GNAQ: variants seen among roughly 807,000 people sequenced by gnomAD.
The protein encoded by GNAQ is guanine nucleotide-binding protein G(q) subunit alpha.
In GNAQ, 8 loss-of-function variants were observed where a neutral mutation model predicts 43.9. That is an observed-to-expected ratio of 0.18 (90% confidence interval 0.11 to 0.33). The LOEUF is 0.33. GNAQ is among the 10% of genes least tolerant of loss of function. The pLI is 1.00. For synonymous variants in GNAQ, 155 were observed against 170.7 expected (o/e 0.91, Z 0.71); for missense variants, 158 against 450.8 (o/e 0.35, Z 5.88).
chr9:77,955,995 C>T (rs1197546587), intron 1 of GNAQ, among the ~76,000 whole-genome samples: 1 of 152,122 alleles, frequency 6.6e-6, no homozygotes, highest in Non-Finnish European at 1.5e-5. Context: ...GAATAGGGCA[C>T]ATATATTATA....
intron 1 of GNAQ, among the ~76,000 whole-genome samples, chr9:77,976,157 C>A (rs1026106789): frequency 6.6e-6 from 1 of 152,166 alleles, no homozygotes; most frequent in African/African-American, 2.4e-5. Flanking sequence ...TGTCTTCCAC[C>A]TGCTTCTAAT....
intron 1 of GNAQ, among the ~76,000 whole-genome samples, chr9:77,973,302 G>A (rs941940487): frequency 1.3e-5 from 2 of 152,166 alleles, no homozygotes; most frequent in Non-Finnish European, 2.9e-5. Flanking sequence ...AGGCTCCCCA[G>A]TCCTTGTCCC....
chr9:77,762,908 G>C (rs1294905582), intron 5 of GNAQ, among the ~76,000 whole-genome samples: 13 of 151,226 alleles, frequency 8.6e-5, no homozygotes, highest in South Asian at 2.1e-4. Context: ...CAGCATGCTC[G>C]TTAAGAGTCA....
chr9:77,778,921 A>T (rs1433075283), intron 5 of GNAQ, among the ~76,000 whole-genome samples: 8 of 151,978 alleles, frequency 5.3e-5, no homozygotes, highest in Non-Finnish European at 4.4e-5. Context: ...AGCATCACAA[A>T]ACATGAGGCA....
intron 1 of GNAQ, among the ~76,000 whole-genome samples, chr9:77,936,621 T>G (rs1829236449): frequency 6.6e-6 from 1 of 152,130 alleles, no homozygotes; most frequent in African/African-American, 2.4e-5. Context: ...GCAAAATACT[T>G]TAACAAATCA....
chr9:78,023,370 C>T (rs1241148058), intron 1 of GNAQ, among the ~76,000 whole-genome samples: 4 of 152,136 alleles, frequency 2.6e-5, no homozygotes, highest in East Asian at 1.9e-4. Flanking sequence ...TTCTCTAAAT[C>T]GTATGCAAAT....
intron 1 of GNAQ, among the ~76,000 whole-genome samples, chr9:77,937,939 T>G (rs1829256725): frequency 6.6e-6 from 1 of 152,188 alleles, no homozygotes; most frequent in South Asian, 2.1e-4. Flanking sequence ...AAGAGCTTGC[T>G]GCTAAATGCA....
chr9:77,982,138 G>T (rs765917717), intron 1 of GNAQ, among the ~76,000 whole-genome samples: 10 of 152,070 alleles, frequency 6.6e-5, no homozygotes, highest in Non-Finnish European at 1.5e-4. Context: ...ACCATTACTG[G>T]TAAGCATTTC....
intron 2 of GNAQ, among the ~76,000 whole-genome samples, chr9:77,847,522 G>C (rs1044499781): frequency 6.6e-6 from 1 of 152,202 alleles, no homozygotes; most frequent in Admixed American, 6.6e-5. Flanking sequence ...AGGGTGGGTA[G>C]TATAATTTAC....
At chr9:77,892,384 T>C (rs1828420227) in intron 2 of GNAQ, among the ~76,000 whole-genome samples, 1 of 152,176 alleles carries the variant, frequency 6.6e-6, no homozygotes, top group East Asian at 1.9e-4. Flanking sequence ...CAACTGATTA[T>C]CAAACACAAA....
intron 2 of GNAQ, among the ~76,000 whole-genome samples, chr9:77,826,803 C>T (rs144239034): frequency 0.027 from 4,174 of 152,260 alleles, 66 homozygotes; most frequent in Middle Eastern, 0.048. Flanking sequence ...CACACATTAA[C>T]GGGTCAGTAA....
At chr9:77,779,680 C>CAAAAAAAAAA (rs58014303) in intron 5 of GNAQ, among the ~76,000 whole-genome samples, 196 of 95,848 alleles carry the variant, frequency 2.0e-3, no homozygotes, top group Middle Eastern at 7.0e-3. Context: ...AAAAACAAAA[C>CAAAAAAAAAA]AAAAAAAAAA....
Position 77,952,570 on chromosome 9 carries a change from G to C in GNAQ, c.137-30225C>G, listed in dbSNP as rs996863709. Among the ~76,000 whole-genome samples, 15 of 152,242 alleles carry C rather than the reference G, an allele frequency of 9.9e-5. No individual in the cohort carries two copies. The East Asian group carries it at 2.1e-3, about 22-fold the overall frequency. ...CAAATGATTGCCTTAGAACAGTTAAGAAATGAAGAAAAATTAAGAATTGCA... is the reference window on the plus strand; with the variant it reads ...CAAATGATTGCCTTAGAACAGTTAACAAATGAAGAAAAATTAAGAATTGCA... On this transcript the variant is annotated intron_variant, in intron 1 of 6. Transcript: ENST00000286548.
intron 5 of GNAQ, among the ~76,000 whole-genome samples, chr9:77,782,471 C>T (rs1043954471): frequency 1.3e-5 from 2 of 152,104 alleles, no homozygotes; most frequent in Non-Finnish European, 2.9e-5. Flanking sequence ...ATTAGAATGG[C>T]CAAAATCCCA....
At chr9:77,829,890 ACT>A (rs1827269117) in intron 2 of GNAQ, among the ~76,000 whole-genome samples, 1 of 151,824 alleles carries the variant, frequency 6.6e-6, no homozygotes, top group Non-Finnish European at 1.5e-5. Context: ...TAAAAAAAAG[ACT>A]CTGATGTCTA....
At chr9:77,985,113 A>G (rs1318921387) in intron 1 of GNAQ, among the ~76,000 whole-genome samples, 3 of 152,170 alleles carry the variant, frequency 2.0e-5, no homozygotes, top group Non-Finnish European at 4.4e-5. Flanking sequence ...GATCGAGACC[A>G]TCCTGGCTAA....
intron 1 of GNAQ, among the ~76,000 whole-genome samples, chr9:77,997,303 A>G (rs1398858794): frequency 1.3e-5 from 2 of 152,158 alleles, no homozygotes; most frequent in Admixed American, 1.3e-4. Context: ...TGTCAATTAG[A>G]AGGCCTTCAG....
intron 5 of GNAQ, among the ~76,000 whole-genome samples, chr9:77,786,294 C>T (rs976207184): frequency 6.8e-6 from 1 of 147,204 alleles, no homozygotes; most frequent in South Asian, 2.1e-4. Context: ...AGGAGAATGG[C>T]GTGAACCCGG....
chr9:77,935,018 T>C (rs140800893), intron 1 of GNAQ, among the ~76,000 whole-genome samples: 1 of 151,972 alleles, frequency 6.6e-6, no homozygotes, highest in Non-Finnish European at 1.5e-5. Flanking sequence ...CTAGCTACTC[T>C]GGAGGCTGAG....
Sources: allele counts gnomAD v4.1 joint callset (sites outside exome capture counted in the v4.1 genomes callset), GRCh38; gene constraint gnomAD v4.1.1; transcripts MANE v1.5; gene names NCBI Gene and HGNC (gene_info 2026-07-23, HGNC 2026-07-21).